Variants in HMGB3 observed in about 807,000 individuals in gnomAD.
HMGB3 encodes high mobility group box 3, also known as high mobility group protein B3.
In HMGB3, 1 loss-of-function variant was observed where a neutral mutation model predicts 12.9. The observed-to-expected ratio is 0.08, with a 90% CI of 0.03 to 0.37. HMGB3 has a LOEUF of 0.37. HMGB3 is among the 10% of genes least tolerant of loss of function. The probability of loss-of-function intolerance (pLI) is 0.99; values close to 1 mark genes in which losing one functional copy is unlikely to be tolerated. For synonymous variants in HMGB3, 61 were observed against 53.9 expected, an observed-to-expected ratio of 1.13 and a Z score of -0.57; for missense variants, 74 against 153.3, an observed-to-expected ratio of 0.48 and a Z score of 2.73.
intron 1 of HMGB3, among the ~76,000 whole-genome samples, chrX:150,985,238 G>T (rs903161659): frequency 3.6e-5 from 4 of 111,840 alleles, no homozygotes; most frequent in Non-Finnish European, 3.8e-5. Context: ...CCCACCAAAT[G>T]TGTCCTCTCT....
upstream of HMGB3, among the ~76,000 whole-genome samples, chrX:150,982,912 A>C (rs2048001491): frequency 8.8e-6 from 1 of 113,051 alleles, no homozygotes; most frequent in Non-Finnish European, 1.9e-5. Context: ...TTCCCCGGGC[A>C]GGGGAGCTGA....
chrX:150,985,023 C>T (rs782120954), intron 1 of HMGB3, among the ~76,000 whole-genome samples: 1 of 111,920 alleles, frequency 8.9e-6, no homozygotes, highest in South Asian at 3.8e-4. Context: ...TACCTGCTCA[C>T]TTTCCAGATC....
In HMGB3 at chrX:150,985,665, A is replaced by G. The variant is rs1557425215; in HGVS notation, c.66A>G (p.Thr22=). Residue 22 remains threonine, a synonymous_variant, in exon 2 of 5, where the codon ACA becomes ACG. Coordinates refer to ENST00000325307, the MANE Select transcript of HMGB3 (RefSeq NM_005342.4). ...KMSAYAFFVQ[T]CREEHKKKNP... Reference sequence around the variant, plus strand: ...CCGCTTATGCCTTCTTTGTGCAGACATGCAGAGAAGAACATAAGAAGAAAA... The same window carrying G: ...CCGCTTATGCCTTCTTTGTGCAGACGTGCAGAGAAGAACATAAGAAGAAAA... 1.7e-6 allele frequency: 2 copies of G among 1,206,905 alleles called. No individual in the cohort carries two copies. Among genetic ancestry groups the G allele is most frequent in the South Asian group, 1.8e-5 (1 of 56,919 alleles).
Position 150,986,141 on chromosome X carries a change from G to C in HMGB3, c.241G>C (p.Ala81Pro). ...TCGGGAAATGAAGGATTATGGACCAGCTAAGGGAGGCAAGAAGAAGAAGGA... is the reference window on the plus strand; with the variant it reads ...TCGGGAAATGAAGGATTATGGACCACCTAAGGGAGGCAAGAAGAAGAAGGA... The part of the protein sequence containing the change: ...YDREMKDYGP[A>P]KGGKKKKDPN... Residue 81 changes from alanine (A) to proline (P), a missense_variant, in exon 3 of 5, where the codon GCT becomes CCT. Transcript: ENST00000325307. 8.3e-7 allele frequency: 1 copy of C among 1,204,689 alleles called. No homozygotes were observed.
upstream of HMGB3, among the ~76,000 whole-genome samples, chrX:150,981,040 G>A (rs933167397): frequency 2.7e-5 from 3 of 111,285 alleles, no homozygotes; most frequent in African/African-American, 6.5e-5. Flanking sequence ...TGGCAGAGGC[G>A]AGGTATTGGT....
intron 1 of HMGB3, among the ~76,000 whole-genome samples, chrX:150,985,360 A>C (rs2048041637): frequency 8.9e-6 from 1 of 112,007 alleles, no homozygotes; most frequent in Non-Finnish European, 1.9e-5. Flanking sequence ...CGCTTTTGAG[A>C]AGTAACTCGC....
chrX:150,983,268 A>G, upstream of HMGB3: 2 of 753,852 alleles, frequency 2.7e-6, no homozygotes, highest in Non-Finnish European at 3.1e-6. Context: ...TTTAAACGGC[A>G]GAGCCCGCTG....
At chrX:150,984,254 C>T (rs1313554385) in intron 1 of HMGB3, among the ~76,000 whole-genome samples, 10 of 93,577 alleles carry the variant, frequency 1.1e-4, no homozygotes, top group African/African-American at 3.8e-4. Flanking sequence ...CCTTTGTTAT[C>T]CCGAGGAGTG....
chrX:150,989,428 T>A lies in HMGB3; in HGVS notation c.*1514T>A, dbSNP rs932028904. Reference sequence around the variant, plus strand: ...ATCAACCATTTCTGAGCACTAAATGTATCATGAAAAGTTGAATGGCCTGCT... The same window carrying A: ...ATCAACCATTTCTGAGCACTAAATGAATCATGAAAAGTTGAATGGCCTGCT... On this transcript the variant is annotated 3_prime_UTR_variant, in exon 5 of 5. Transcript: ENST00000325307. 8.9e-6 allele frequency: 1 copy of A among 111,953 alleles called. No homozygotes were observed. Among genetic ancestry groups the A allele is most frequent in the African/African-American group, 3.2e-5 (1 of 30,803 alleles). The allele number at this position is 111,953 out of a possible 1,213,427, so 9.2% of individuals were successfully genotyped here.
intron 1 of HMGB3, among the ~76,000 whole-genome samples, chrX:150,984,196 G>T (rs1242745630): frequency 1.0e-5 from 1 of 97,662 alleles, no homozygotes; most frequent in Non-Finnish European, 2.1e-5. Context: ...AGGGCCGGGG[G>T]CGCCGCTGCG....
At chrX:150,980,569 G>A (rs3761566), upstream of HMGB3, 4 of 728,663 alleles carry the variant, frequency 5.5e-6, no homozygotes, top group East Asian at 6.1e-4. Flanking sequence ...TTTCTTGAGA[G>A]CAGAGATCGA....
intron 1 of HMGB3, among the ~76,000 whole-genome samples, chrX:150,984,109 G>T (rs1180296262): frequency 1.0e-5 from 1 of 100,307 alleles, no homozygotes; most frequent in Non-Finnish European, 2.1e-5. Context: ...CAGGGGAGGC[G>T]GGCGGAGCGG....
At chrX:150,984,675 C>T (rs1273807117) in intron 1 of HMGB3, 1 of 489,154 alleles carries the variant, frequency 2.0e-6, no homozygotes, top group South Asian at 1.1e-4. Flanking sequence ...AGGCGGGCTG[C>T]CTGCTGCCGG....
upstream of HMGB3, among the ~76,000 whole-genome samples, chrX:150,982,979 G>T (rs2048002076): frequency 8.8e-6 from 1 of 113,158 alleles, no homozygotes; most frequent in Non-Finnish European, 1.9e-5. Flanking sequence ...CAGCGCAGCG[G>T]GGCTGGACTT....
Position 150,983,374 on chromosome X carries a change from C to T in HMGB3, c.-8C>T. The T allele has an allele frequency of 2.6e-6, 2 of 760,953 alleles. No individual in the cohort carries two copies. Among genetic ancestry groups the T allele is most frequent in the Non-Finnish European group, 3.1e-6 (2 of 645,863 alleles). 62.7% of individuals were successfully genotyped at this position (760,953 alleles called of 1,213,427 possible). On this transcript the variant is annotated splice_region_variant and 5_prime_UTR_variant, in exon 1 of 5. Coordinates refer to ENST00000325307, the MANE Select transcript of HMGB3 (RefSeq NM_005342.4). ...GCGCTGCCCAGACTAGCGAACAATA[C>T]AGGTACGTCTCGCACCGCCCGCTCC...
chrX:150,983,609 A>G, intron 1 of HMGB3: 1 of 748,691 alleles, frequency 1.3e-6, no homozygotes, highest in Non-Finnish European at 1.6e-6. Context: ...AACTTTTCCA[A>G]CGCGTTCCCC....
Position 150,989,019 on chromosome X carries a change from C to T in HMGB3, c.*1105C>T, listed in dbSNP as rs1175808199. 1 of 111,542 alleles carries T rather than the reference C, an allele frequency of 9.0e-6. No individual in the cohort carries two copies. Among genetic ancestry groups the T allele is most frequent in the Non-Finnish European group, 1.9e-5 (1 of 53,120 alleles). 9.2% of individuals were successfully genotyped at this position (111,542 alleles called of 1,213,427 possible). On this transcript the variant is annotated 3_prime_UTR_variant, in exon 5 of 5. Coordinates refer to ENST00000325307, the MANE Select transcript of HMGB3 (RefSeq NM_005342.4). ...ACATAGGCAAGGTTCAGCAGCCTTC[C>T]AAGGTATAGGAAGGTGGGTGATTAG...
At position 150,989,570 on chromosome X, in the gene HMGB3, G is replaced by A. The variant is rs1270652575; in HGVS notation, c.*1656G>A. The A allele has an allele frequency of 2.7e-5, 3 of 111,360 alleles. No individual in the cohort carries two copies. The highest frequency in any genetic ancestry group is 9.8e-5 in the African/African-American group (3 of 30,577). The allele number at this position is 111,360 out of a possible 1,213,427, so 9.2% of individuals were successfully genotyped here. On this transcript the variant is annotated 3_prime_UTR_variant, in exon 5 of 5. Coordinates refer to ENST00000325307, the MANE Select transcript of HMGB3 (RefSeq NM_005342.4). ...GGTAGTGTAACATTTTATCCAGGTT[G>A]GGGTGAGGGGAGATGGCCACAGTAG...
At position 150,989,256 on chromosome X, in the gene HMGB3, T is replaced by C. The variant is rs1425504168; in HGVS notation, c.*1342T>C. ...TGGGGTCTTGAGCCTGCTGCTGGTCTCCTGGATGCCAGTGAGGGTATGTGG... is the reference window on the plus strand; with the variant it reads ...TGGGGTCTTGAGCCTGCTGCTGGTCCCCTGGATGCCAGTGAGGGTATGTGG... On this transcript the variant is annotated 3_prime_UTR_variant, in exon 5 of 5. Coordinates refer to ENST00000325307, the MANE Select transcript of HMGB3 (RefSeq NM_005342.4). 9.0e-6 allele frequency: 1 copy of C among 111,328 alleles called. No individual in the cohort carries two copies. Among genetic ancestry groups the C allele is most frequent in the Non-Finnish European group, 1.9e-5 (1 of 53,115 alleles). The allele number at this position is 111,328 out of a possible 1,213,427, so 9.2% of individuals were successfully genotyped here. A position where few individuals can be genotyped will look rare whatever the true frequency, so the allele number is the denominator to read the frequency against.
Sources: allele counts gnomAD v4.1 joint callset (sites outside exome capture counted in the v4.1 genomes callset), GRCh38; gene constraint gnomAD v4.1.1; transcripts MANE v1.5; gene names NCBI Gene and HGNC (gene_info 2026-07-23, HGNC 2026-07-21).